JMJD1C: variants seen among roughly 807,000 people sequenced by gnomAD.
The protein encoded by JMJD1C is jumonji domain-containing protein 1C.
Under a neutral mutation model 245.3 loss-of-function variants are expected in JMJD1C, and 31 were observed. The ratio of observed to expected loss-of-function variants is 0.13; its 90% confidence interval spans 0.09 to 0.17. The LOEUF is 0.17. JMJD1C is among the 10% of genes least tolerant of loss of function. The probability of loss-of-function intolerance (pLI) is 1.00; values close to 1 mark genes in which losing one functional copy is unlikely to be tolerated. For missense variants in JMJD1C, 2,691 were observed against 3,000.2 expected (o/e 0.90, Z 2.41); for synonymous variants, 1,057 against 1,017.4 (o/e 1.04, Z -0.74).
rs1290681698 is a variant in JMJD1C, at chr10:63,243,008, T to C, written c.447+21643A>G. ...GTAAGCAACAAAATTGGGAATGGAGTCCAAGATGGACTGTTGTTCTATTGC... is the reference window on the plus strand; with the variant it reads ...GTAAGCAACAAAATTGGGAATGGAGCCCAAGATGGACTGTTGTTCTATTGC... On this transcript the variant is annotated intron_variant, in intron 3 of 25. Coordinates refer to ENST00000399262, the MANE Select transcript of JMJD1C (RefSeq NM_032776.3). Among the ~76,000 whole-genome samples the C allele has an allele frequency of 5.3e-5, 8 of 150,470 alleles. No individual in the cohort carries two copies. In the East Asian group the frequency reaches 1.2e-3, roughly 22 times the overall value.
At chr10:63,278,314 T>C (rs1285389410) in intron 2 of JMJD1C, among the ~76,000 whole-genome samples, 2 of 150,256 alleles carry the variant, frequency 1.3e-5, no homozygotes, top group Admixed American at 6.7e-5. Context: ...GGTAAAACCC[T>C]GTCTCTACTA....
In JMJD1C at chr10:63,268,305, G is replaced by GA. The variant is rs1855877050; in HGVS notation, c.334-3542dup. ...AAATTCCCACCCAAGCAGGTCTATT[G>GA]AAAAACACGATACTGTTAGAAAACA... On this transcript the variant is annotated intron_variant, in intron 2 of 25. Transcript: ENST00000399262. Among the ~76,000 whole-genome samples, 6 of 147,958 alleles carry GA rather than the reference G, an allele frequency of 4.1e-5. No homozygotes were observed. In the South Asian group the frequency reaches 1.3e-3, roughly 31 times the overall value.
chr10:63,409,529 A>G (rs1949365943), intron 1 of JMJD1C, among the ~76,000 whole-genome samples: 1 of 152,202 alleles, frequency 6.6e-6, no homozygotes, highest in African/African-American at 2.4e-5. Context: ...TTTACATAAT[A>G]TTAGGTGAAT....
rs146027072 is a variant in JMJD1C at position 63,236,812 on chromosome 10, T to C, written c.448-16829A>G. The stretch of plus-strand genomic sequence containing the variant: ...TATAAAGTATTCTACTGAAAATTCC[T>C]GTGCACAAACTAATACTGAGGCTGG... On this transcript the variant is annotated intron_variant, in intron 3 of 25. Coordinates refer to ENST00000399262, the MANE Select transcript of JMJD1C (RefSeq NM_032776.3). 3.2e-3 allele frequency among the ~76,000 whole-genome samples: 487 copies of C among 152,282 alleles called. 3 individuals are homozygous for C. Among genetic ancestry groups the C allele is most frequent in the African/African-American group, 0.011 (472 of 41,550 alleles).
At chr10:63,269,904 C>T (rs1010916426) in intron 2 of JMJD1C, among the ~76,000 whole-genome samples, 5 of 152,044 alleles carry the variant, frequency 3.3e-5, no homozygotes, top group Admixed American at 3.3e-4. Flanking sequence ...AGTTACTAAT[C>T]ATATGTAGCA....
At chr10:63,442,677 T>C (rs1951460339) in intron 1 of JMJD1C, among the ~76,000 whole-genome samples, 1 of 152,240 alleles carries the variant, frequency 6.6e-6, no homozygotes, top group Non-Finnish European at 1.5e-5. Context: ...TTCTCCTCTC[T>C]GGAATACAGT....
intron 3 of JMJD1C, among the ~76,000 whole-genome samples, chr10:63,253,139 C>T (rs543812292): frequency 4.6e-5 from 7 of 151,998 alleles, no homozygotes; most frequent in East Asian, 1.9e-4. Context: ...AATTATTCAG[C>T]GGTAGAAAAG....
At chr10:63,338,978 G>C (rs1010418437) in intron 2 of JMJD1C, among the ~76,000 whole-genome samples, 2 of 152,118 alleles carry the variant, frequency 1.3e-5, no homozygotes, top group Non-Finnish European at 2.9e-5. Context: ...ATCTTGTGTA[G>C]TATGAAAGAT....
intron 2 of JMJD1C, among the ~76,000 whole-genome samples, chr10:63,363,616 A>G (rs2134379431): frequency 6.6e-6 from 1 of 152,228 alleles, no homozygotes; most frequent in Non-Finnish European, 1.5e-5. Flanking sequence ...TCTACCATGC[A>G]AAGCATCTGG....
intron 22 of JMJD1C, among the ~76,000 whole-genome samples, 187 bp downstream of exon 22, chr10:63,183,260 T>G (rs1843705282): frequency 6.6e-6 from 1 of 152,214 alleles, no homozygotes; most frequent in Admixed American, 6.5e-5. Context: ...AATTAAAATT[T>G]CACTTACATA....
intron 4 of JMJD1C, among the ~76,000 whole-genome samples, chr10:63,217,863 C>T (rs536965111): frequency 6.5e-4 from 99 of 152,056 alleles, no homozygotes; most frequent in African/African-American, 1.2e-3. Context: ...AAATTTTTAA[C>T]GAAATATGGT....
rs201744571 is a variant in JMJD1C, at chr10:63,208,148, T to C, written c.3521A>G (p.His1174Arg). The C allele has an allele frequency of 6.8e-6, 11 of 1,613,564 alleles. No homozygotes were observed. The African/African-American group carries it at 1.2e-4, about 18-fold the overall frequency. ...PEHLPHQIAS[H>R]SVTTFRNDCR... ...ATCATTTCTGAAGGTTGTTACTGAG[T>C]GAGATGCAATCTGATGTGGAAGATG... The change falls in exon 10 of 26, where the codon CAC (histidine) becomes CGC (arginine). Residue 1174 changes from histidine (H) to arginine (R), a missense_variant. Transcript: ENST00000399262.
chr10:63,388,882 A>G (rs2134578695), intron 1 of JMJD1C, among the ~76,000 whole-genome samples: 1 of 152,358 alleles, frequency 6.6e-6, no homozygotes, highest in South Asian at 2.1e-4. Context: ...GGGGAGAAGT[A>G]GCTACAATTA....
intron 2 of JMJD1C, among the ~76,000 whole-genome samples, chr10:63,279,770 A>T (rs1230646003): frequency 6.6e-6 from 1 of 152,218 alleles, no homozygotes; most frequent in African/African-American, 2.4e-5. Flanking sequence ...TTAATTAATT[A>T]ATTTATGTGA....
intron 3 of JMJD1C, among the ~76,000 whole-genome samples, chr10:63,226,714 CAAAAAAAAAAA>C (rs35375607): frequency 2.2e-4 from 19 of 84,936 alleles, no homozygotes; most frequent in African/African-American, 6.8e-4. Context: ...AACCCTGTTT[CAAAAAAAAAAA>C]AAAAAAAAAA....
At chr10:63,506,739 T>C (rs1297689176) in intron 1 of JMJD1C, among the ~76,000 whole-genome samples, 2 of 152,156 alleles carry the variant, frequency 1.3e-5, no homozygotes, top group African/African-American at 4.8e-5. Flanking sequence ...AATGGTACAT[T>C]TGTTACCATC....
At chr10:63,476,464 C>A (rs2133169568) in intron 1 of JMJD1C, among the ~76,000 whole-genome samples, 1 of 152,102 alleles carries the variant, frequency 6.6e-6, no homozygotes, top group East Asian at 1.9e-4. Context: ...CAGAGTAGCT[C>A]ATACCTGTAA....
At chr10:63,250,904 C>T (rs1386180875) in intron 3 of JMJD1C, among the ~76,000 whole-genome samples, 1 of 152,112 alleles carries the variant, frequency 6.6e-6, no homozygotes, top group Non-Finnish European at 1.5e-5. Flanking sequence ...CCACATGTGG[C>T]TAAATTTTTA....
At chr10:63,318,032 G>A (rs75717685) in intron 2 of JMJD1C, among the ~76,000 whole-genome samples, 2,990 of 152,136 alleles carry the variant, frequency 0.02, 279 homozygotes, top group Admixed American at 0.15. Context: ...TTTGGAGACA[G>A]GGTCTGGCTC....
Sources: allele counts gnomAD v4.1 joint callset (sites outside exome capture counted in the v4.1 genomes callset), GRCh38; gene constraint gnomAD v4.1.1; transcripts MANE v1.5; gene names NCBI Gene and HGNC (gene_info 2026-07-23, HGNC 2026-07-21).